The following ADAMTS12 variants were observed in gnomAD, a reference collection of about 807,000 sequenced individuals.
ADAMTS12 encodes A disintegrin and metalloproteinase with thrombospondin motifs 12.
In ADAMTS12, 118 loss-of-function variants were observed where a neutral mutation model predicts 167.8. That is an observed-to-expected ratio of 0.70 (90% CI 0.61 to 0.82). The LOEUF (loss-of-function observed/expected upper bound fraction) is 0.82, where lower values mean the gene tolerates loss of function less well. Ranked by LOEUF, ADAMTS12 falls within the 40% of genes least tolerant of loss-of-function variation. ADAMTS12 has a pLI of 0.00. For missense variants in ADAMTS12, 1,916 were observed against 1,998.8 expected (o/e 0.96, Z 0.79); for synonymous variants, 704 against 716.9 (o/e 0.98, Z 0.29).
At chr5:33,769,257 C>T (rs542888308) in intron 2 of ADAMTS12, among the ~76,000 whole-genome samples, 1 of 152,176 alleles carries the variant, frequency 6.6e-6, no homozygotes, top group Admixed American at 6.5e-5. Context: ...TCACTGAGAC[C>T]CATTTCAAGC....
intron 2 of ADAMTS12, among the ~76,000 whole-genome samples, chr5:33,866,440 A>C (rs575246021): frequency 6.6e-6 from 1 of 152,332 alleles, no homozygotes; most frequent in East Asian, 1.9e-4. Context: ...TTATACAAAA[A>C]TCAACTCAAG....
intron 2 of ADAMTS12, among the ~76,000 whole-genome samples, chr5:33,770,477 A>G (rs180939039): frequency 1.4e-3 from 209 of 152,258 alleles, no homozygotes; most frequent in African/African-American, 4.9e-3. Flanking sequence ...CTCATCAGCT[A>G]TACACCTGCA....
intron 2 of ADAMTS12, 118 bp downstream of exon 2, chr5:33,881,001 C>A: frequency 6.9e-7 from 1 of 1,441,272 alleles, no homozygotes; most frequent in Non-Finnish European, 9.3e-7. Flanking sequence ...AGGATCATCA[C>A]ATCACAGGGG....
chr5:33,735,196 A>C (rs1333065183), intron 3 of ADAMTS12, among the ~76,000 whole-genome samples: 1 of 152,186 alleles, frequency 6.6e-6, no homozygotes, highest in Non-Finnish European at 1.5e-5. Context: ...TTTCTGAAGG[A>C]ATAAAGAAAT....
chr5:33,831,896 A>T (rs1748314713), intron 2 of ADAMTS12, among the ~76,000 whole-genome samples: 1 of 152,214 alleles, frequency 6.6e-6, no homozygotes, highest in Admixed American at 6.5e-5. Context: ...AGAAGTGGGG[A>T]GGTCCTCTCA....
Position 33,643,405 on chromosome 5 carries a change from T to G in ADAMTS12, c.1545A>C (p.Ala515=). The G allele has an allele frequency of 6.2e-7, 1 of 1,614,166 alleles. No homozygotes were observed. The highest frequency in any genetic ancestry group is 1.1e-5 in the South Asian group (1 of 91,082). ...GFCRSKLDAA[A]DGTQCGEKKW... is the part of the protein sequence containing the mutation. ...TCTTCTCACCACATTGAGTTCCATC[T>G]GCAGCAGCGTCCAGCTTAGAGCGAC... The change falls in exon 10 of 24, where the codon GCA becomes GCC. Residue 515 remains alanine (A), a synonymous_variant. Transcript: ENST00000504830.
At chr5:33,774,074 C>A (rs1745834055) in intron 2 of ADAMTS12, among the ~76,000 whole-genome samples, 2 of 152,142 alleles carry the variant, frequency 1.3e-5, no homozygotes, top group Non-Finnish European at 2.9e-5. Context: ...ATGACAAAAA[C>A]CACAATTACT....
intron 2 of ADAMTS12, among the ~76,000 whole-genome samples, chr5:33,754,305 C>T (rs2112396278): frequency 6.6e-6 from 1 of 152,296 alleles, no homozygotes; most frequent in African/African-American, 2.4e-5. Flanking sequence ...TGCAACCTGC[C>T]CACTTCTCTT....
intron 2 of ADAMTS12, among the ~76,000 whole-genome samples, chr5:33,838,708 T>G (rs1748625239): frequency 6.7e-6 from 1 of 149,630 alleles, no homozygotes; most frequent in African/African-American, 2.5e-5. Context: ...GAAGCAGAAG[T>G]AACAGGGAAG....
chr5:33,734,692 G>A (rs532890928), intron 3 of ADAMTS12, among the ~76,000 whole-genome samples: 7 of 152,200 alleles, frequency 4.6e-5, no homozygotes, highest in Admixed American at 2.6e-4. Context: ...GTGAGAAGCT[G>A]CAGCAAAGGA....
intron 1 of ADAMTS12, among the ~76,000 whole-genome samples, chr5:33,891,115 G>C (rs540580029): frequency 6.6e-6 from 1 of 152,164 alleles, no homozygotes; most frequent in Non-Finnish European, 1.5e-5. Context: ...AATAACATGA[G>C]TTCAGAAATT....
Position 33,527,814 on chromosome 5 carries a change from A to G in ADAMTS12, c.4607-448T>C, listed in dbSNP as rs1026065512. 2.6e-5 allele frequency among the ~76,000 whole-genome samples: 4 copies of G among 152,200 alleles called. No individual in the cohort carries two copies. The South Asian group carries it at 8.3e-4, about 31-fold the overall frequency. Reference sequence around the variant, plus strand: ...GGCTGGTGCAGCCACCAAGGGTGATAAGAGACACATGGGGCAGACCTGGAC... The same window carrying G: ...GGCTGGTGCAGCCACCAAGGGTGATGAGAGACACATGGGGCAGACCTGGAC... On this transcript the variant is annotated intron_variant, in intron 23 of 23. Coordinates refer to ENST00000504830, the MANE Select transcript of ADAMTS12 (RefSeq NM_030955.4).
chr5:33,884,227 C>T (rs563195236), intron 1 of ADAMTS12, among the ~76,000 whole-genome samples: 1 of 152,264 alleles, frequency 6.6e-6, no homozygotes, highest in East Asian at 1.9e-4. Context: ...CACTGCCTTC[C>T]TATCTTCTAC....
intron 3 of ADAMTS12, among the ~76,000 whole-genome samples, chr5:33,718,076 A>G (rs1205498612): frequency 1.3e-5 from 2 of 152,246 alleles, no homozygotes; most frequent in Non-Finnish European, 2.9e-5. Context: ...ATACTGTGCT[A>G]TCTGAGCTTC....
At chr5:33,533,211 A>G (rs533684560) in intron 23 of ADAMTS12, among the ~76,000 whole-genome samples, 234 of 152,378 alleles carry the variant, frequency 1.5e-3, no homozygotes, top group African/African-American at 5.4e-3. Context: ...CCTACATATA[A>G]TTCAAAATAA....
chr5:33,852,676 G>A (rs1328831266), intron 2 of ADAMTS12, among the ~76,000 whole-genome samples: 2 of 152,210 alleles, frequency 1.3e-5, no homozygotes, highest in Non-Finnish European at 2.9e-5. Context: ...AAGCACTAGT[G>A]TATGAAATTC....
intron 2 of ADAMTS12, among the ~76,000 whole-genome samples, chr5:33,851,651 T>C (rs1749225524): frequency 6.6e-6 from 1 of 152,220 alleles, no homozygotes. Context: ...GAAGGGATAC[T>C]GGATTGCTGC....
chr5:33,648,339 G>A (rs927471535), intron 9 of ADAMTS12, among the ~76,000 whole-genome samples: 1 of 152,250 alleles, frequency 6.6e-6, no homozygotes, highest in Non-Finnish European at 1.5e-5. Context: ...CAGTGGTAAT[G>A]AAGAAGATAG....
intron 3 of ADAMTS12, among the ~76,000 whole-genome samples, chr5:33,723,965 A>C (rs1332381521): frequency 1.3e-5 from 2 of 152,238 alleles, no homozygotes; most frequent in Non-Finnish European, 2.9e-5. Flanking sequence ...TTTACTGGGC[A>C]AAGCTCCTGA....
Sources: allele counts gnomAD v4.1 joint callset (sites outside exome capture counted in the v4.1 genomes callset), GRCh38; gene constraint gnomAD v4.1.1; transcripts MANE v1.5; gene names NCBI Gene and HGNC (gene_info 2026-07-23, HGNC 2026-07-21).